Variants in VDAC2 observed in about 807,000 individuals in gnomAD.
VDAC2 encodes non-selective voltage-gated ion channel VDAC2.
VDAC2 carries 6 observed loss-of-function variants against 36.6 expected under a neutral mutation model. The observed-to-expected ratio is 0.16, with a 90% CI of 0.09 to 0.32. The LOEUF (loss-of-function observed/expected upper bound fraction) is 0.32, where lower values mean the gene tolerates loss of function less well. VDAC2 is among the 10% of genes least tolerant of loss of function. VDAC2 has a pLI of 1.00. For missense variants in VDAC2, 247 were observed against 346.0 expected, an observed-to-expected ratio of 0.71 and a Z score of 2.27; for synonymous variants, 109 against 123.8, an observed-to-expected ratio of 0.88 and a Z score of 0.79.
At chr10:75,212,155 T>C in intron 2 of VDAC2, 75 bp from the exon 3 acceptor site, 1 of 1,300,954 alleles carries the variant, frequency 7.7e-7, no homozygotes. Context: ...ATATCAGCAG[T>C]GGGTCATGCT....
intron 7 of VDAC2, among the ~76,000 whole-genome samples, chr10:75,221,239 C>T (rs747696092): frequency 3.3e-5 from 5 of 152,302 alleles, no homozygotes; most frequent in Non-Finnish European, 5.9e-5. Context: ...TGGCAGACTG[C>T]TACCAGTACA....
chr10:75,228,026 C>G (rs954701127), intron 8 of VDAC2, among the ~76,000 whole-genome samples: 2 of 151,826 alleles, frequency 1.3e-5, no homozygotes, highest in African/African-American at 4.8e-5. Flanking sequence ...TCCCGAGTAG[C>G]TGGGACTATA....
chr10:75,228,643 C>G (rs1023970292), intron 8 of VDAC2, among the ~76,000 whole-genome samples: 7 of 152,206 alleles, frequency 4.6e-5, no homozygotes, highest in Non-Finnish European at 8.8e-5. Context: ...TGGTTTGTGT[C>G]TGTATAGTTA....
chr10:75,220,309 A>G (rs1017115679), intron 6 of VDAC2, among the ~76,000 whole-genome samples: 2 of 150,676 alleles, frequency 1.3e-5, no homozygotes, highest in Admixed American at 1.3e-4. Context: ...GGATTTCACC[A>G]TGCTGGCCAG....
At chr10:75,211,327 C>G in intron 2 of VDAC2, 138 bp downstream of exon 2, 1 of 1,414,848 alleles carries the variant, frequency 7.1e-7, no homozygotes, top group Non-Finnish European at 9.5e-7. Flanking sequence ...ACCGTCTGAC[C>G]ACCTCCTCTG....
At chr10:75,221,634 T>A (rs1841817170) in intron 7 of VDAC2, among the ~76,000 whole-genome samples, 1 of 152,122 alleles carries the variant, frequency 6.6e-6, no homozygotes, top group Non-Finnish European at 1.5e-5. Flanking sequence ...TTTTTTTGTT[T>A]GTTTGTTTTT....
chr10:75,229,580 A>G, intron 8 of VDAC2, 64 bp from the exon 9 acceptor site: 2 of 1,266,546 alleles, frequency 1.6e-6, no homozygotes, highest in Admixed American at 4.4e-5. Context: ...TGATGGGGAA[A>G]CATGTAGGGG....
chr10:75,224,473 C>G (rs1477194553), intron 8 of VDAC2, among the ~76,000 whole-genome samples: 1 of 152,074 alleles, frequency 6.6e-6, no homozygotes, highest in African/African-American at 2.4e-5. Flanking sequence ...GAACTTTTGA[C>G]TCCTGGGTGG....
At chr10:75,211,544 A>C in intron 2 of VDAC2, 1 of 1,550,174 alleles carries the variant, frequency 6.5e-7, no homozygotes, top group Non-Finnish European at 8.7e-7. Flanking sequence ...CAAGGTCATT[A>C]CTTGTGCTCC....
In VDAC2 at chr10:75,212,246, A is replaced by G. The variant is rs772377349; in HGVS notation, c.48A>G (p.Pro16=). 1 of 1,613,842 alleles carries G rather than the reference A, an allele frequency of 6.2e-7. No homozygotes were observed. Among genetic ancestry groups the G allele is most frequent in the East Asian group, 2.2e-5 (1 of 44,870 alleles). Reference sequence around the variant, plus strand: ...TTCTACCAGCAATGTGTATTCCTCCATCATATGCTGACCTTGGCAAAGCTG... The same window carrying G: ...TTCTACCAGCAATGTGTATTCCTCCGTCATATGCTGACCTTGGCAAAGCTG... ...QTCARPMCIP[P]SYADLGKAAR... is the part of the protein sequence containing the mutation. The change falls in exon 3 of 10, where the codon CCA becomes CCG. Residue 16 remains proline, a synonymous_variant. Coordinates refer to ENST00000332211, the MANE Select transcript of VDAC2 (RefSeq NM_001391963.1).
At position 75,211,168 on chromosome 10, in the gene VDAC2, C is replaced by G. The variant is rs767758559; in HGVS notation, c.10C>G (p.His4Asp). Residue 4 changes from histidine to aspartate, a missense_variant, in exon 2 of 10, where the codon CAC becomes GAC. Around this residue, in one of 3 missense-constraint regions of VDAC2, gnomAD observed 76 missense variants for 76.9 expected, o/e 0.99. Transcript: ENST00000332211. MATHGQTCARPMCI... is the reference protein window; with the variant it reads MATDGQTCARPMCI... ...TTCCCGCGGCCTCGCCATGGCGACC[C>G]ACGGACAGACTTGCGCGCGTCGTAA... 1 of 1,613,132 alleles carries G rather than the reference C, an allele frequency of 6.2e-7. No individual in the cohort carries two copies. The highest frequency in any genetic ancestry group is 8.5e-7 in the Non-Finnish European group (1 of 1,179,634).
At chr10:75,211,438 G>T in intron 2 of VDAC2, 1 of 1,481,552 alleles carries the variant, frequency 6.7e-7, no homozygotes. Context: ...TGTCTTTGAC[G>T]TATAGAAGTA....
intron 4 of VDAC2, among the ~76,000 whole-genome samples, chr10:75,217,395 A>G (rs149484313): frequency 2.2e-3 from 338 of 152,276 alleles, no homozygotes; most frequent in African/African-American, 6.2e-3. Flanking sequence ...TTAATTGGAA[A>G]TGGAGTCTCA....
chr10:75,222,284 A>G lies in VDAC2; in HGVS notation c.617A>G (p.Tyr206Cys). 1 of 1,614,072 alleles carries G rather than the reference A, an allele frequency of 6.2e-7. No homozygotes were observed. Among genetic ancestry groups the G allele is most frequent in the African/African-American group, 1.3e-5 (1 of 75,070 alleles). ...GGGACAGAATTTGGAGGATCAATTT[A>G]TCAGAAAGTTTGTGAAGATCTTGAC... ...NDGTEFGGSI[Y>C]QKVCEDLDTS... The change falls in exon 8 of 10, where the codon TAT (tyrosine) becomes TGT (cysteine). Residue 206 changes from tyrosine to cysteine, a missense_variant. By Grantham distance (194) the Tyr-to-Cys change is radical. Around this residue, in one of 3 missense-constraint regions of VDAC2, gnomAD observed 159 missense variants for 234.0 expected, o/e 0.68. Coordinates refer to ENST00000332211, the MANE Select transcript of VDAC2 (RefSeq NM_001391963.1).
In VDAC2 at chr10:75,217,853, T is replaced by A. The variant is rs1841653800; in HGVS notation, c.151-1210T>A. ...GAGAAGGTTGACTGGCCTTTCCTCC[T>A]ATTGATACAATTTTTGATATTTCTC... On this transcript the variant is annotated intron_variant, in intron 4 of 9. Coordinates refer to ENST00000332211, the MANE Select transcript of VDAC2 (RefSeq NM_001391963.1). 7 of 1,217,246 alleles carry A rather than the reference T, an allele frequency of 5.8e-6. No homozygotes were observed. The Admixed American group carries it at 1.7e-4, about 30-fold the overall frequency. 75.4% of individuals were successfully genotyped at this position (1,217,246 alleles called of 1,614,324 possible). A position where few individuals can be genotyped will look rare whatever the true frequency, so the allele number is the denominator to read the frequency against.
chr10:75,228,962 T>G (rs1012827145), intron 8 of VDAC2, among the ~76,000 whole-genome samples: 2 of 152,272 alleles, frequency 1.3e-5, no homozygotes, highest in East Asian at 3.9e-4. Flanking sequence ...AGTCGGTAAC[T>G]AAGTCCTAAA....
rs1842094923 is a variant in VDAC2, at chr10:75,231,368, T to C, written c.*379T>C. 1 of 156,790 alleles carries C rather than the reference T, an allele frequency of 6.4e-6. No individual in the cohort carries two copies. The highest frequency in any genetic ancestry group is 1.4e-5 in the Non-Finnish European group (1 of 70,610). The allele number at this position is 156,790 out of a possible 1,614,324, so 9.7% of individuals were successfully genotyped here. ...GGATCAGTGGATATTAAGATGAGGTTACAAATTTTGTTAAGTTCAGCCATT... is the reference window on the plus strand; with the variant it reads ...GGATCAGTGGATATTAAGATGAGGTCACAAATTTTGTTAAGTTCAGCCATT... On this transcript the variant is annotated 3_prime_UTR_variant, in exon 10 of 10. Transcript: ENST00000332211.
chr10:75,230,487 C>T (rs11001335), intron 9 of VDAC2, among the ~76,000 whole-genome samples: 20,996 of 152,088 alleles, frequency 0.14, 1,864 homozygotes, highest in East Asian at 0.25. Context: ...ATACCATTGT[C>T]GCATCTAAGA....
At chr10:75,225,362 CAG>C (rs1015739644) in intron 8 of VDAC2, among the ~76,000 whole-genome samples, 40 of 152,342 alleles carry the variant, frequency 2.6e-4, no homozygotes, top group African/African-American at 9.1e-4. Flanking sequence ...AGCTGCCCAG[CAG>C]ACTCAGATCC....
Sources: allele counts gnomAD v4.1 joint callset (sites outside exome capture counted in the v4.1 genomes callset), GRCh38; gene constraint gnomAD v4.1.1; regional missense constraint gnomAD v4.1.1; transcripts MANE v1.5; gene names NCBI Gene and HGNC (gene_info 2026-07-23, HGNC 2026-07-21).